Variants in TRPM3 observed in about 807,000 individuals in gnomAD.
TRPM3 encodes the protein long transient receptor potential channel 3.
Under a neutral mutation model 181.2 loss-of-function variants are expected in TRPM3, and 77 were observed. That is an observed-to-expected ratio of 0.42 (90% confidence interval 0.35 to 0.51). The LOEUF (loss-of-function observed/expected upper bound fraction) is 0.51, where lower values mean the gene tolerates loss of function less well. Ranked by LOEUF, TRPM3 falls within the 20% of genes least tolerant of loss-of-function variation. The probability of loss-of-function intolerance (pLI) is 0.01; values close to 1 mark genes in which losing one functional copy is unlikely to be tolerated. For missense variants in TRPM3, 1,759 were observed against 2,196.7 expected, an observed-to-expected ratio of 0.80 and a Z score of 3.98; for synonymous variants, 745 against 796.4, an observed-to-expected ratio of 0.94 and a Z score of 1.09.
At chr9:71,260,857 T>C (rs1010664689) in intron 1 of TRPM3, among the ~76,000 whole-genome samples, 3 of 152,226 alleles carry the variant, frequency 2.0e-5, no homozygotes, top group African/African-American at 2.4e-5. Flanking sequence ...CTTTTCCTAT[T>C]TGAATACCTT....
intron 7 of TRPM3, among the ~76,000 whole-genome samples, chr9:70,768,179 T>C (rs556034297): frequency 6.6e-6 from 1 of 152,346 alleles, no homozygotes; most frequent in South Asian, 2.1e-4. Flanking sequence ...ATCATTATAA[T>C]GAGAACCACC....
chr9:70,981,193 T>C (rs918973481), intron 1 of TRPM3, among the ~76,000 whole-genome samples: 2 of 152,186 alleles, frequency 1.3e-5, no homozygotes, highest in Non-Finnish European at 2.9e-5. Context: ...GCTTCAGAGG[T>C]CTTGATTTTA....
intron 1 of TRPM3, among the ~76,000 whole-genome samples, chr9:71,242,208 A>T (rs2081742784): frequency 6.6e-6 from 1 of 152,200 alleles, no homozygotes. Flanking sequence ...CACGGACAAG[A>T]AGCCGCAATT....
chr9:70,787,512 A>T (rs2083956453), intron 6 of TRPM3, among the ~76,000 whole-genome samples: 1 of 151,792 alleles, frequency 6.6e-6, no homozygotes, highest in South Asian at 2.1e-4. Context: ...AAGTTAACCA[A>T]GATATGTTAA....
chr9:70,756,667 C>T (rs576163521), intron 8 of TRPM3, among the ~76,000 whole-genome samples: 9 of 152,274 alleles, frequency 5.9e-5, no homozygotes, highest in African/African-American at 2.2e-4. Context: ...CAAATTAGAA[C>T]TCAGGATTAA....
intron 1 of TRPM3, among the ~76,000 whole-genome samples, chr9:71,392,482 G>T (rs1358651827): frequency 1.3e-5 from 2 of 151,944 alleles, no homozygotes; most frequent in Non-Finnish European, 2.9e-5. Flanking sequence ...ATTTTGTTGG[G>T]GTATTTTTTG....
chr9:70,783,972 A>C, intron 7 of TRPM3, 133 bp downstream of exon 7: 1 of 1,457,076 alleles, frequency 6.9e-7, no homozygotes, highest in East Asian at 2.4e-5. Flanking sequence ...CATGACAGAC[A>C]TTTTTTAGAC....
At chr9:71,372,923 C>A (rs139320121) in intron 1 of TRPM3, among the ~76,000 whole-genome samples, 26 of 152,228 alleles carry the variant, frequency 1.7e-4, no homozygotes, top group African/African-American at 5.8e-4. Context: ...AATAAACAGT[C>A]TGTCAGACAA....
chr9:71,160,739 C>T (rs1441121197), intron 1 of TRPM3, among the ~76,000 whole-genome samples: 1 of 152,142 alleles, frequency 6.6e-6, no homozygotes, highest in Non-Finnish European at 1.5e-5. Context: ...AAAGTTCTTT[C>T]TGTGTCTCTT....
intron 1 of TRPM3, among the ~76,000 whole-genome samples, chr9:70,935,255 G>A (rs2096817419): frequency 6.6e-6 from 1 of 152,094 alleles, no homozygotes. Context: ...TACTTACTGG[G>A]TTGTGTTTAA....
intron 1 of TRPM3, among the ~76,000 whole-genome samples, chr9:71,010,984 C>T (rs2097732494): frequency 6.6e-6 from 1 of 151,194 alleles, no homozygotes. Context: ...AGCCATAAAA[C>T]ATAATAAAAT....
chr9:70,786,410 G>A (rs936293977), intron 6 of TRPM3, among the ~76,000 whole-genome samples: 1 of 151,270 alleles, frequency 6.6e-6, no homozygotes, highest in Non-Finnish European at 1.5e-5. Context: ...GCTTGATCCC[G>A]GGAGGCAGAG....
chr9:71,392,526 C>G (rs960599883), intron 1 of TRPM3, among the ~76,000 whole-genome samples: 2 of 151,880 alleles, frequency 1.3e-5, no homozygotes, highest in African/African-American at 4.8e-5. Flanking sequence ...TCAGATTATC[C>G]TCTCCATTTT....
intron 1 of TRPM3, among the ~76,000 whole-genome samples, chr9:71,011,909 C>G (rs1360873880): frequency 6.6e-6 from 1 of 151,304 alleles, no homozygotes; most frequent in Non-Finnish European, 1.5e-5. Context: ...GCCGCCCGAG[C>G]AACTGGGACT....
intron 14 of TRPM3, among the ~76,000 whole-genome samples, chr9:70,624,551 T>C (rs1160360333): frequency 6.6e-6 from 1 of 152,176 alleles, no homozygotes; most frequent in Middle Eastern, 3.2e-3. Flanking sequence ...AATTTTGGTG[T>C]AGTATCAAAA....
intron 1 of TRPM3, among the ~76,000 whole-genome samples, chr9:70,927,032 A>C (rs2096727723): frequency 6.6e-6 from 1 of 152,190 alleles, no homozygotes; most frequent in African/African-American, 2.4e-5. Flanking sequence ...AGTAACATGA[A>C]AATTCATTCC....
chr9:70,769,522 C>A (rs2135412857), intron 7 of TRPM3, among the ~76,000 whole-genome samples: 1 of 152,054 alleles, frequency 6.6e-6, no homozygotes, highest in South Asian at 2.1e-4. Context: ...GACTATTAAG[C>A]TTTAGTGAAG....
intron 1 of TRPM3, among the ~76,000 whole-genome samples, chr9:70,933,664 T>C (rs908103751): frequency 3.3e-5 from 5 of 151,948 alleles, no homozygotes; most frequent in African/African-American, 1.2e-4. Flanking sequence ...AAGGCAGGGA[T>C]AGAGTCATAG....
In TRPM3 at chr9:71,420,727, G is replaced by A. The variant is rs373620654; in HGVS notation, c.183+25926C>T. The stretch of plus-strand genomic sequence containing the variant: ...AGAGAGAAAGAAAGAGAGAAAGAGA[G>A]AGAGAGAGAAAGAGAGAGAAAGAGA... On this transcript the variant is annotated intron_variant, in intron 1 of 24. Transcript: ENST00000357533. Among the ~76,000 whole-genome samples, 284 of 45,280 alleles carry A rather than the reference G, an allele frequency of 6.3e-3. 5 individuals are homozygous for A. Among genetic ancestry groups the A allele is most frequent in the South Asian group, 0.023 (26 of 1,136 alleles). 29.7% of individuals were successfully genotyped at this position (45,280 alleles called of 152,430 possible).
Sources: allele counts gnomAD v4.1 joint callset (sites outside exome capture counted in the v4.1 genomes callset), GRCh38; gene constraint gnomAD v4.1.1; transcripts MANE v1.5; gene names NCBI Gene and HGNC (gene_info 2026-07-23, HGNC 2026-07-21).